The following COL11A2 variants were observed in gnomAD, a reference collection of about 807,000 sequenced individuals.
The protein encoded by COL11A2 is collagen alpha-2(XI) chain.
COL11A2 carries 116 observed loss-of-function variants against 273.4 expected under a neutral mutation model. The ratio of observed to expected loss-of-function variants is 0.42; its 90% CI spans 0.36 to 0.49. The LOEUF is 0.49. Among genes scored for constraint, COL11A2 ranks in the 20% least tolerant of loss-of-function variants. The pLI is 0.00. For synonymous variants in COL11A2, 782 were observed against 864.2 expected, an observed-to-expected ratio of 0.90 and a Z score of 1.67; for missense variants, 1,866 against 2,309.0, an observed-to-expected ratio of 0.81 and a Z score of 3.93.
chr6:33,180,849 A>C, intron 10 of COL11A2, 115 bp downstream of exon 10: 1 of 1,554,154 alleles, frequency 6.4e-7, no homozygotes, highest in Non-Finnish European at 8.9e-7. Flanking sequence ...CGTTGATTGG[A>C]GGGATGCTCC....
At chr6:33,168,601 G>A in intron 53 of COL11A2, 29 bp from the exon 54 acceptor site, 1 of 1,612,540 alleles carries the variant, frequency 6.2e-7, no homozygotes, top group Non-Finnish European at 8.5e-7. Flanking sequence ...GGGTGGCTGA[G>A]TGTTTATCCT....
In COL11A2 at chr6:33,186,778, G is replaced by T. The variant is rs1772475565; in HGVS notation, c.647C>A (p.Ala216Glu). ...QELAIVPGVQ[A>E]AYESCEQKEL... ...CTTCTGTTCACATGATTCATAGGCT[G>T]CCTGGACCCCTGGGACAATGGCCAG... The change falls in exon 5 of 66, where the codon GCA becomes GAA. Residue 216 changes from alanine (A) to glutamate (E), a missense_variant. Physicochemically the swap from Ala to Glu is moderately radical, Grantham distance 107. Coordinates refer to ENST00000341947, the MANE Select transcript of COL11A2 (RefSeq NM_080680.3). 6.2e-6 allele frequency: 10 copies of T among 1,614,098 alleles called. No homozygotes were observed. The highest frequency in any genetic ancestry group is 2.7e-5 in the African/African-American group (2 of 75,006).
chr6:33,179,508 C>T lies in COL11A2; in HGVS notation c.1447-21G>A, dbSNP rs1232993796. ...GCCAGCTAGGGGAGCAGGGGGACAG[C>T]AGAGCTGAGGGACAGGCAGTGGGAA... is the stretch of plus-strand genomic sequence containing the variant. On this transcript the variant is annotated intron_variant, in intron 13 of 65. Transcript: ENST00000341947. The surrounding 1 kb of genome is among the most constrained non-coding windows in gnomAD (Gnocchi z 6.4). The T allele has an allele frequency of 6.4e-7, 1 of 1,552,376 alleles. No individual in the cohort carries two copies. Among genetic ancestry groups the T allele is most frequent in the Non-Finnish European group, 8.7e-7 (1 of 1,146,450 alleles).
At position 33,176,280 on chromosome 6, in the gene COL11A2, C is replaced by G; in HGVS notation, c.2193G>C (p.Leu731=). 6.2e-7 allele frequency: 1 copy of G among 1,607,706 alleles called. No individual in the cohort carries two copies. Among genetic ancestry groups the G allele is most frequent in the Non-Finnish European group, 8.5e-7 (1 of 1,177,352 alleles). ...TCACCTTCTCACCCTTATGACCCTT[C>G]AGACCCCGAATTCCGTCCACACCCT... ...GVKGVDGIRG[L]KGHKGEKGED... Residue 731 remains leucine, a synonymous_variant, in exon 28 of 66, where the codon CTG becomes CTC. Transcript: ENST00000341947. This position sits in a 1 kb window ranked among gnomAD's most constrained non-coding sequence, Gnocchi z 4.9.
rs1769912166 is a variant in COL11A2, at chr6:33,170,687, T to TCC, written c.3475-79_3475-78dup. 1 of 1,592,292 alleles carries TCC rather than the reference T, an allele frequency of 6.3e-7. No homozygotes were observed. The highest frequency in any genetic ancestry group is 1.1e-5 in the South Asian group (1 of 90,584). On this transcript the variant is annotated intron_variant, in intron 46 of 65. Transcript: ENST00000341947. The surrounding 1 kb of genome is among the most constrained non-coding windows in gnomAD (Gnocchi z 4.3). ...AGCCCTAGGCAGATAGGCCCCACAG[T>TCC]CCCCTCCCCTCAGACTCCGCAGGCC...
Position 33,165,471 on chromosome 6 carries a change from CT to C in COL11A2, c.4750+77del. The C allele has an allele frequency of 6.3e-7, 1 of 1,595,122 alleles. No individual in the cohort carries two copies. Among genetic ancestry groups the C allele is most frequent in the Non-Finnish European group, 8.5e-7 (1 of 1,175,476 alleles). On this transcript the variant is annotated intron_variant, in intron 63 of 65. Coordinates refer to ENST00000341947, the MANE Select transcript of COL11A2 (RefSeq NM_080680.3). This position sits in a 1 kb window ranked among gnomAD's most constrained non-coding sequence, Gnocchi z 7.7. ...CCTTAACCCAACACCTTCACCAAGA[CT>C]CCCCCAGCATCCATTCTGCTTGTTC...
At chr6:33,188,637 A>G in intron 3 of COL11A2, 113 bp from the exon 4 acceptor site, 1 of 1,192,336 alleles carries the variant, frequency 8.4e-7, no homozygotes, top group Non-Finnish European at 1.2e-6. Context: ...GAGCAGTAAT[A>G]ACAATGGCTA....
chr6:33,173,572 G>C lies in COL11A2; in HGVS notation c.2629-17C>G, dbSNP rs1472518568. The C allele has an allele frequency of 7.0e-7, 1 of 1,432,830 alleles. No individual in the cohort carries two copies. The highest frequency in any genetic ancestry group is 3.2e-5 in the East Asian group (1 of 31,206). The allele number at this position is 1,432,830 out of a possible 1,614,324, so 88.8% of individuals were successfully genotyped here. ...AGGGAGGCCCTAGAGACAGAGGTGG[G>C]GGGAGTCAGGAGAATGGGGGCAGGG... On this transcript the variant is annotated splice_polypyrimidine_tract_variant and intron_variant, in intron 35 of 65. Transcript: ENST00000341947. This position sits in a 1 kb window ranked among gnomAD's most constrained non-coding sequence, Gnocchi z 6.3.
chr6:33,163,951 G>A lies in COL11A2; in HGVS notation c.5071-133C>T. On this transcript the variant is annotated intron_variant, in intron 65 of 65. Transcript: ENST00000341947. The surrounding 1 kb of genome is among the most constrained non-coding windows in gnomAD (Gnocchi z 4.1). ...GTGACTCAGGATGTACAGACTGGCA[G>A]TGTCTATGTGCCCATGCGTGTGTGT... The A allele has an allele frequency of 2.3e-6, 3 of 1,325,060 alleles. No homozygotes were observed. The highest frequency in any genetic ancestry group is 3.2e-6 in the Non-Finnish European group (3 of 932,592). The allele number at this position is 1,325,060 out of a possible 1,614,324, so 82.1% of individuals were successfully genotyped here.
rs11756999 is a variant in COL11A2 at position 33,165,112 on chromosome 6, G to A, written c.4751-148C>T. 2 of 668,412 alleles carry A rather than the reference G, an allele frequency of 3.0e-6. No individual in the cohort carries two copies. Among genetic ancestry groups the A allele is most frequent in the African/African-American group, 3.6e-5 (2 of 55,618 alleles). 41.4% of individuals were successfully genotyped at this position (668,412 alleles called of 1,614,324 possible). On this transcript the variant is annotated intron_variant, in intron 63 of 65. Transcript: ENST00000341947. The surrounding 1 kb of genome is among the most constrained non-coding windows in gnomAD (Gnocchi z 7.7). ...CTCCCTCCCAGAGCCCTAGAATCTAGCCCTACTGCTGGATTCTACTGCAGC... is the reference window on the plus strand; with the variant it reads ...CTCCCTCCCAGAGCCCTAGAATCTAACCCTACTGCTGGATTCTACTGCAGC...
chr6:33,187,155 C>T (rs544928036), intron 4 of COL11A2, among the ~76,000 whole-genome samples: 5 of 152,280 alleles, frequency 3.3e-5, no homozygotes, highest in African/African-American at 1.2e-4. Flanking sequence ...CTTTGCCTCC[C>T]CTCTGCGCTT....
At position 33,167,941 on chromosome 6, in the gene COL11A2, A is replaced by G; in HGVS notation, c.3961-89T>C. 1 of 1,361,906 alleles carries G rather than the reference A, an allele frequency of 7.3e-7. No individual in the cohort carries two copies. The allele number at this position is 1,361,906 out of a possible 1,614,324, so 84.4% of individuals were successfully genotyped here. On this transcript the variant is annotated intron_variant, in intron 54 of 65. Transcript: ENST00000341947. The surrounding 1 kb of genome is among the most constrained non-coding windows in gnomAD (Gnocchi z 6.1). ...CTTCCTGTCCTAGACACACACATAC[A>G]CATGCACACACACACGTGCATACAC...
At position 33,177,075 on chromosome 6, in the gene COL11A2, C is replaced by T. The variant is rs528183534; in HGVS notation, c.2017-30G>A. 1.0e-4 allele frequency: 161 copies of T among 1,612,682 alleles called. No homozygotes were observed. Among genetic ancestry groups the T allele is most frequent in the Non-Finnish European group, 1.3e-4 (153 of 1,179,852 alleles). On this transcript the variant is annotated intron_variant, in intron 24 of 65. Coordinates refer to ENST00000341947, the MANE Select transcript of COL11A2 (RefSeq NM_080680.3). This position sits in a 1 kb window ranked among gnomAD's most constrained non-coding sequence, Gnocchi z 5.9. ...AGGAAGACAAAGAGGCTCAGGGTCA[C>T]TAGAGGGGTCATGTCTGGACACAGA...
chr6:33,181,051 CT>C (rs1198552683), intron 9 of COL11A2, 46 bp from the exon 10 acceptor site: 10 of 1,614,066 alleles, frequency 6.2e-6, no homozygotes, highest in Non-Finnish European at 8.5e-6. Flanking sequence ...GACCAGCACA[CT>C]CAACCCCACT....
Position 33,189,107 on chromosome 6 carries a change from C to T in COL11A2, c.314G>A (p.Ser105Asn). The change falls in exon 3 of 66, where the codon AGT (serine) becomes AAT (asparagine). Residue 105 changes from serine to asparagine, a missense_variant. Physicochemically the swap from Ser to Asn is conservative, Grantham distance 46. Transcript: ENST00000341947. The surrounding 1 kb of genome is among the most constrained non-coding windows in gnomAD (Gnocchi z 5.6). ...GLQAPLLTLY[S>N]AQGVRQLGLE... is the part of the protein sequence containing the mutation. The stretch of plus-strand genomic sequence containing the variant: ...GCCCAGCTGTCGGACACCCTGGGCA[C>T]TGTAGAGAGTCAGGAGGGGAGCTTG... The T allele has an allele frequency of 6.2e-7, 1 of 1,614,156 alleles. No homozygotes were observed. Among genetic ancestry groups the T allele is most frequent in the Non-Finnish European group, 8.5e-7 (1 of 1,180,010 alleles).
rs1178553248 is a variant in COL11A2 at position 33,171,535 on chromosome 6, C to T, written c.3190G>A (p.Val1064Met). ...CCAGGAAGCCCCACAGGACCCTGCA[C>T]TCCATCTCGGCCAGTCGGGCCAATG... is the stretch of plus-strand genomic sequence containing the variant. ...GPIGPTGRDG[V>M]QGPVGLPGPA... is the part of the protein sequence containing the mutation. The change falls in exon 43 of 66, where the codon GTG (valine) becomes ATG (methionine). Residue 1064 changes from valine (V) to methionine (M), a missense_variant. By Grantham distance (21) the Val-to-Met change is conservative. Coordinates refer to ENST00000341947, the MANE Select transcript of COL11A2 (RefSeq NM_080680.3). The T allele has an allele frequency of 2.5e-6, 4 of 1,614,000 alleles. No individual in the cohort carries two copies. Among genetic ancestry groups the T allele is most frequent in the Admixed American group, 3.3e-5 (2 of 59,998 alleles).
Position 33,173,702 on chromosome 6 carries a change from C to G in COL11A2, c.2627G>C (p.Arg876Thr), listed in dbSNP as rs745859259. Residue 876 changes from arginine (R) to threonine (T), a missense_variant and splice_region_variant, in exon 35 of 66, where the codon AGG becomes ACG. Physicochemically the swap from Arg to Thr is moderately conservative, Grantham distance 71. Coordinates refer to ENST00000341947, the MANE Select transcript of COL11A2 (RefSeq NM_080680.3). The surrounding 1 kb of genome is among the most constrained non-coding windows in gnomAD (Gnocchi z 6.3). ...GDGPHGPPGE[R>T]GLPGPQGPNG... ...AGGGGACTTTCGATCCACACTCACC[C>G]TCTCTCCAGGGGGCCCATGGGGGCC... is the stretch of plus-strand genomic sequence containing the variant. 5 of 1,571,274 alleles carry G rather than the reference C, an allele frequency of 3.2e-6. No individual in the cohort carries two copies. The highest frequency in any genetic ancestry group is 4.3e-6 in the Non-Finnish European group (5 of 1,157,582).
At chr6:33,181,719 C>T (rs941522263) in intron 8 of COL11A2, among the ~76,000 whole-genome samples, 14 of 152,052 alleles carry the variant, frequency 9.2e-5, no homozygotes, top group Admixed American at 7.2e-4. Context: ...GTCCTGACCT[C>T]AGGTGATCCG....
rs773875370 is a variant in COL11A2 at position 33,168,669 on chromosome 6, TG to T, written c.3906+36del. 5.5e-5 allele frequency: 87 copies of T among 1,591,692 alleles called. 1 individual carries two copies. The highest frequency in any genetic ancestry group is 5.0e-4 in the Middle Eastern group (3 of 6,058). On this transcript the variant is annotated intron_variant, in intron 53 of 65. Coordinates refer to ENST00000341947, the MANE Select transcript of COL11A2 (RefSeq NM_080680.3). ...GAAGAGGGGTAAAGAGGATGAGGCT[TG>T]GGCTCAGGGGGGTGGTGGGGTCACC...
Sources: gnomAD v4.1 joint callset for allele counts (sites outside exome capture counted in the v4.1 genomes callset) on GRCh38, gnomAD v4.1.1 for gene constraint, Gnocchi (gnomAD v3.1) non-coding constraint, MANE v1.5 for transcripts, NCBI Gene and HGNC (gene_info 2026-07-23, HGNC 2026-07-21) for gene names.